STPG2: variants seen among roughly 807,000 people sequenced by gnomAD.
The protein encoded by STPG2 is sperm-tail PG-rich repeat-containing protein 2.
A neutral mutation model predicts 54.2 loss-of-function variants in STPG2; 56 were observed. The observed-to-expected ratio is 1.03, with a 90% confidence interval of 0.83 to 1.29. The LOEUF is 1.29. Among genes scored for constraint, STPG2 ranks in the 50% most tolerant of loss-of-function variants. STPG2 has a pLI of 0.00. For missense variants in STPG2, 596 were observed against 544.9 expected, an observed-to-expected ratio of 1.09 and a Z score of -0.93; for synonymous variants, 200 against 181.8, an observed-to-expected ratio of 1.10 and a Z score of -0.81.
intron 4 of STPG2, among the ~76,000 whole-genome samples, chr4:97,550,818 T>C (rs1390968892): frequency 6.6e-6 from 1 of 152,118 alleles, no homozygotes. Flanking sequence ...CAGTGAGTGT[T>C]ACAGCTCTTA....
chr4:97,795,458 G>T (rs918806192), intron 9 of STPG2, among the ~76,000 whole-genome samples: 1 of 152,050 alleles, frequency 6.6e-6, no homozygotes, highest in Non-Finnish European at 1.5e-5. Flanking sequence ...TTGGTTTTTT[G>T]TCCTTGTGAT....
intron 10 of STPG2, among the ~76,000 whole-genome samples, chr4:97,596,659 T>A (rs1733301991): frequency 6.6e-6 from 1 of 152,106 alleles, no homozygotes; most frequent in South Asian, 2.1e-4. Flanking sequence ...TGCTCCAGAA[T>A]GACTTTTGAA....
At chr4:97,778,433 G>A (rs751248315) in intron 9 of STPG2, among the ~76,000 whole-genome samples, 5 of 152,196 alleles carry the variant, frequency 3.3e-5, no homozygotes, top group Non-Finnish European at 5.9e-5. Context: ...ACAGCAGCCA[G>A]GAAGCTTGTA....
At chr4:98,039,365 A>C (rs1736872124) in intron 5 of STPG2, among the ~76,000 whole-genome samples, 1 of 151,920 alleles carries the variant, frequency 6.6e-6, no homozygotes, top group Non-Finnish European at 1.5e-5. Context: ...AAATATGACC[A>C]TTTATTTAAC....
chr4:97,688,498 C>T (rs928766591), intron 10 of STPG2, among the ~76,000 whole-genome samples: 10 of 152,142 alleles, frequency 6.6e-5, no homozygotes, highest in Non-Finnish European at 1.5e-4. Context: ...TCCCAAGTAG[C>T]TGGGACTACA....
intron 5 of STPG2, among the ~76,000 whole-genome samples, chr4:98,020,955 T>G (rs1736164556): frequency 6.6e-6 from 1 of 152,126 alleles, no homozygotes; most frequent in Non-Finnish European, 1.5e-5. Flanking sequence ...TTTGTTGATC[T>G]TTTCAAAAAA....
chr4:97,694,961 A>C (rs2148992396), intron 10 of STPG2, among the ~76,000 whole-genome samples: 1 of 152,000 alleles, frequency 6.6e-6, no homozygotes, highest in Admixed American at 6.6e-5. Flanking sequence ...AGATAGAGAA[A>C]GAGGGAATCC....
chr4:97,800,467 G>C (rs1349346855), intron 9 of STPG2, among the ~76,000 whole-genome samples: 1 of 152,162 alleles, frequency 6.6e-6, no homozygotes, highest in Non-Finnish European at 1.5e-5. Context: ...TTTTTATCTG[G>C]GTATCAGCAG....
In STPG2 at chr4:97,955,026, GAATT is replaced by G. The variant is rs148163880; in HGVS notation, c.934-11023_934-11020del. Among the ~76,000 whole-genome samples, 977 of 151,992 alleles carry G rather than the reference GAATT, an allele frequency of 6.4e-3. 11 individuals carry two copies. The highest frequency in any genetic ancestry group is 0.022 in the African/African-American group (916 of 41,444). Reference sequence around the variant, plus strand: ...TCGTAAATAATTTGTCCTGAGAAATGAATTATTTAAGAAAGAATTAAACAGGCAT... The same window carrying G: ...TCGTAAATAATTTGTCCTGAGAAATGATTTAAGAAAGAATTAAACAGGCAT... On this transcript the variant is annotated intron_variant, in intron 7 of 10. Coordinates refer to ENST00000295268, the MANE Select transcript of STPG2 (RefSeq NM_174952.3).
intron 5 of STPG2, among the ~76,000 whole-genome samples, chr4:98,085,452 A>C (rs1115616): frequency 0.4 from 60,069 of 151,832 alleles, 12,110 homozygotes; most frequent in Middle Eastern, 0.46. Flanking sequence ...TGATACTATT[A>C]CATTGAATCC....
chr4:97,933,818 T>C (rs577796621), intron 8 of STPG2, among the ~76,000 whole-genome samples: 3 of 152,228 alleles, frequency 2.0e-5, no homozygotes, highest in Non-Finnish European at 4.4e-5. Context: ...CTTTGCTCTT[T>C]TTGCTTAGAA....
intron 10 of STPG2, among the ~76,000 whole-genome samples, chr4:97,678,164 A>G (rs1722912740): frequency 6.6e-6 from 1 of 152,088 alleles, no homozygotes; most frequent in Admixed American, 6.6e-5. Context: ...TTTTAATCAT[A>G]TGTATTTTAA....
At chr4:97,912,746 G>C (rs1461183654) in intron 8 of STPG2, among the ~76,000 whole-genome samples, 1 of 152,244 alleles carries the variant, frequency 6.6e-6, no homozygotes, top group East Asian at 1.9e-4. Flanking sequence ...AGAAAGAACA[G>C]AATCAAGTTG....
Position 97,810,475 on chromosome 4 carries a change from A to G in STPG2, c.1204+30298T>C, listed in dbSNP as rs922251241. Among the ~76,000 whole-genome samples the G allele has an allele frequency of 2.2e-3, 331 of 151,894 alleles. 1 individual carries two copies. Among genetic ancestry groups the G allele is most frequent in the Non-Finnish European group, 2.7e-3 (181 of 67,920 alleles). On this transcript the variant is annotated intron_variant, in intron 9 of 10. Transcript: ENST00000295268. ...GAGACTCTGTCTCAAAAAAAAAAAA[A>G]AAAGAAAGCAATGCTCACATTTTAA...
chr4:97,940,303 T>C (rs1415030881), intron 8 of STPG2, among the ~76,000 whole-genome samples: 1 of 152,178 alleles, frequency 6.6e-6, no homozygotes, highest in Non-Finnish European at 1.5e-5. Context: ...TGTAGCATCT[T>C]GCAGAAGTTA....
At chr4:98,077,261 G>GTT (rs397934884) in intron 5 of STPG2, among the ~76,000 whole-genome samples, 7 of 151,370 alleles carry the variant, frequency 4.6e-5, no homozygotes, top group African/African-American at 1.5e-4. Context: ...TGTTGTTGTT[G>GTT]GAGACAGAGT....
At chr4:97,762,521 G>A (rs1217218006) in intron 9 of STPG2, among the ~76,000 whole-genome samples, 1 of 152,070 alleles carries the variant, frequency 6.6e-6, no homozygotes, top group Non-Finnish European at 1.5e-5. Context: ...AGAGATGTGC[G>A]CACCATTAAC....
chr4:97,856,289 T>C (rs1208727465), intron 8 of STPG2, among the ~76,000 whole-genome samples: 2 of 152,122 alleles, frequency 1.3e-5, no homozygotes, highest in Admixed American at 6.6e-5. Flanking sequence ...TTGATTCTTA[T>C]CCATGAGCAT....
At chr4:97,950,604 G>A (rs542482099) in intron 7 of STPG2, among the ~76,000 whole-genome samples, 30 of 152,098 alleles carry the variant, frequency 2.0e-4, no homozygotes, top group Non-Finnish European at 5.9e-5. Context: ...TTTCATCTTG[G>A]TTTGGATCTA....
Sources: gnomAD v4.1 joint callset for allele counts (sites outside exome capture counted in the v4.1 genomes callset) on GRCh38, gnomAD v4.1.1 for gene constraint, MANE v1.5 for transcripts, NCBI Gene and HGNC (gene_info 2026-07-23, HGNC 2026-07-21) for gene names.